The following CUX1 variants were observed in gnomAD, a reference collection of about 807,000 sequenced individuals.
CUX1 encodes the protein cut like homeobox 1.
Under a neutral mutation model 158.8 loss-of-function variants are expected in CUX1, and 31 were observed. The observed-to-expected ratio is 0.20, with a 90% CI of 0.15 to 0.26. The LOEUF (loss-of-function observed/expected upper bound fraction) is 0.26. CUX1 is among the 10% of genes least tolerant of loss of function. CUX1 has a pLI of 1.00. For missense variants in CUX1, 1,589 were observed against 2,014.6 expected (o/e 0.79, Z 4.04); for synonymous variants, 879 against 862.1 (o/e 1.02, Z -0.34).
rs577134213 is a variant in CUX1, at chr7:101,867,463, G to A, written c.31-48652G>A. ...CTCACGGCAGCCACAAGAGGCACAG[G>A]TGTTAGGTCTGCCCCAGCCACAACA... is the stretch of plus-strand genomic sequence containing the variant. On this transcript the variant is annotated intron_variant, in intron 1 of 23. Transcript: ENST00000292535. 2.6e-5 allele frequency among the ~76,000 whole-genome samples: 4 copies of A among 152,334 alleles called. No homozygotes were observed. The South Asian group carries it at 8.3e-4, about 32-fold the overall frequency.
chr7:101,936,438 C>T (rs1025559209), intron 2 of CUX1, among the ~76,000 whole-genome samples: 12 of 152,042 alleles, frequency 7.9e-5, no homozygotes, highest in South Asian at 2.1e-4. Flanking sequence ...AGATGGGATC[C>T]GGCACTCGGG....
chr7:101,883,629 G>A (rs979689041), intron 1 of CUX1, among the ~76,000 whole-genome samples: 3 of 147,182 alleles, frequency 2.0e-5, no homozygotes, highest in Non-Finnish European at 3.0e-5. Flanking sequence ...ACTGTTTTTT[G>A]CGATGGAGTT....
At chr7:101,881,702 A>G (rs1322095677) in intron 1 of CUX1, among the ~76,000 whole-genome samples, 2 of 152,182 alleles carry the variant, frequency 1.3e-5, no homozygotes, top group African/African-American at 2.4e-5. Context: ...GTTAGGCTGT[A>G]GGGCCATGTG....
chr7:101,817,747 C>T lies in CUX1; in HGVS notation c.30+78C>T. 3 of 1,523,154 alleles carry T rather than the reference C, an allele frequency of 2.0e-6. No homozygotes were observed. Among genetic ancestry groups the T allele is most frequent in the South Asian group, 2.4e-5 (2 of 82,294 alleles). The allele number at this position is 1,523,154 out of a possible 1,614,324, so 94.4% of individuals were successfully genotyped here. A position where few individuals can be genotyped will look rare whatever the true frequency, so the allele number is the denominator to read the frequency against. On this transcript the variant is annotated intron_variant, in intron 1 of 23. Coordinates refer to ENST00000292535, the MANE Select transcript of CUX1 (RefSeq NM_181552.4). The surrounding 1 kb of genome is among the most constrained non-coding windows in gnomAD (Gnocchi z 4.1). The stretch of plus-strand genomic sequence containing the variant: ...GGGATGTCGGGGGGTGCCCGGGTCC[C>T]GCGGCTTAGAATGCTCTAGGGCGGC...
intron 1 of CUX1, among the ~76,000 whole-genome samples, chr7:101,884,044 C>T (rs1392478118): frequency 6.6e-6 from 1 of 151,986 alleles, no homozygotes; most frequent in Non-Finnish European, 1.5e-5. Context: ...CAGGTACATG[C>T]CACCATGCCA....
intron 3 of CUX1, among the ~76,000 whole-genome samples, chr7:102,054,057 C>A (rs2130171484): frequency 6.6e-6 from 1 of 152,250 alleles, no homozygotes; most frequent in African/African-American, 2.4e-5. Context: ...ATCCACCTGC[C>A]TCAGCCTCCC....
intron 2 of CUX1, among the ~76,000 whole-genome samples, chr7:101,927,004 A>G (rs556727309): frequency 2.3e-4 from 35 of 152,292 alleles, no homozygotes; most frequent in African/African-American, 7.7e-4. Flanking sequence ...ATGATGCACA[A>G]GATAATTTCA....
At chr7:101,975,789 A>C (rs1195058826) in intron 2 of CUX1, among the ~76,000 whole-genome samples, 1 of 152,126 alleles carries the variant, frequency 6.6e-6, no homozygotes, top group Non-Finnish European at 1.5e-5. Flanking sequence ...ACCTTTTGAC[A>C]TCCTTTGTTT....
intron 8 of CUX1, among the ~76,000 whole-genome samples, chr7:102,151,129 C>T (rs1407348796): frequency 6.6e-6 from 1 of 152,172 alleles, no homozygotes; most frequent in Admixed American, 6.5e-5. Context: ...TACTGCGCTT[C>T]CAAGATTACA....
intron 12 of CUX1, among the ~76,000 whole-genome samples, chr7:102,191,319 C>T (rs913802333): frequency 6.6e-6 from 1 of 152,182 alleles, no homozygotes; most frequent in African/African-American, 2.4e-5. Flanking sequence ...CCGCAACCTC[C>T]GCCTCCCGAG....
intron 2 of CUX1, among the ~76,000 whole-genome samples, chr7:101,940,984 G>C (rs2129138586): frequency 6.6e-6 from 1 of 152,338 alleles, no homozygotes; most frequent in East Asian, 1.9e-4. Context: ...TTCTCTTGTA[G>C]TGAAGAGCTC....
In CUX1 at chr7:102,254,394, T is replaced by G; in HGVS notation, c.*5352T>G. On this transcript the variant is annotated 3_prime_UTR_variant, in exon 24 of 24. Coordinates refer to ENST00000292535, the MANE Select transcript of CUX1 (RefSeq NM_181552.4). The stretch of plus-strand genomic sequence containing the variant: ...CACTGCGAACACTCCTTTGCAAACA[T>G]CAAACATCTCAAAGACGGAAAAGGA... 2.0e-6 allele frequency: 2 copies of G among 985,356 alleles called. No homozygotes were observed. The highest frequency in any genetic ancestry group is 2.4e-6 in the Non-Finnish European group (2 of 829,950). 61.0% of individuals were successfully genotyped at this position (985,356 alleles called of 1,614,324 possible). A position where few individuals can be genotyped will look rare whatever the true frequency, so the allele number is the denominator to read the frequency against.
intron 1 of CUX1, among the ~76,000 whole-genome samples, chr7:101,857,775 C>T (rs1460764601): frequency 1.3e-5 from 2 of 151,936 alleles, no homozygotes; most frequent in African/African-American, 2.4e-5. Flanking sequence ...AATTTTTTTC[C>T]CCCCTTAGCT....
At position 102,111,694 on chromosome 7, in the gene CUX1, G is replaced by A. The variant is rs782446405; in HGVS notation, c.531-4G>A. 4.3e-6 allele frequency: 7 copies of A among 1,614,006 alleles called. No homozygotes were observed. The Admixed American group carries it at 1.2e-4, about 27-fold the overall frequency. The stretch of plus-strand genomic sequence containing the variant: ...CAATTTGGCTTCGTCCTCTTCCTTT[G>A]CAGAAAGCTGCAGGAGACACAGATG... On this transcript the variant is annotated splice_polypyrimidine_tract_variant and splice_region_variant and intron_variant, in intron 6 of 23. Transcript: ENST00000292535.
chr7:102,059,259 A>G (rs1824494385), intron 3 of CUX1, among the ~76,000 whole-genome samples: 1 of 152,188 alleles, frequency 6.6e-6, no homozygotes, highest in Admixed American at 6.5e-5. Context: ...GTCCCCTGCC[A>G]CAAATCTCCT....
At chr7:101,889,170 G>C (rs1800575588) in intron 1 of CUX1, among the ~76,000 whole-genome samples, 1 of 149,746 alleles carries the variant, frequency 6.7e-6, no homozygotes, top group African/African-American at 2.5e-5. Flanking sequence ...GAGGTGGGAG[G>C]ATTGGTTGAG....
intron 2 of CUX1, among the ~76,000 whole-genome samples, chr7:101,949,185 G>A (rs1221976279): frequency 1.3e-5 from 2 of 152,112 alleles, no homozygotes; most frequent in Admixed American, 6.5e-5. Context: ...AGGCTGGAGT[G>A]CAGTAGTGCG....
chr7:102,158,379 C>T (rs868917203), intron 8 of CUX1, among the ~76,000 whole-genome samples, 181 bp from the exon 9 acceptor site: 7 of 152,070 alleles, frequency 4.6e-5, no homozygotes, highest in African/African-American at 1.2e-4. Context: ...ATCAAAAGAG[C>T]GCATGGCATC....
At chr7:101,975,104 A>T (rs1812483853) in intron 2 of CUX1, among the ~76,000 whole-genome samples, 5 of 152,036 alleles carry the variant, frequency 3.3e-5, no homozygotes, top group Admixed American at 3.3e-4. Context: ...TACAAAACTT[A>T]GCCGGGCGTG....
Sources: allele counts gnomAD v4.1 joint callset (sites outside exome capture counted in the v4.1 genomes callset), GRCh38; gene constraint gnomAD v4.1.1; non-coding constraint Gnocchi (gnomAD v3.1); transcripts MANE v1.5; gene names NCBI Gene and HGNC (gene_info 2026-07-23, HGNC 2026-07-21).